DRC11: variants seen among roughly 807,000 people sequenced by gnomAD.
DRC11 encodes the protein dynein regulatory complex subunit 11.
chr2:236,328,989 C>T, the DRC11 span, among the ~76,000 whole-genome samples: 1 of 152,150 alleles, frequency 6.6e-6, no homozygotes, highest in Non-Finnish European at 1.5e-5. The surrounding 1 kb of genome is among the most constrained non-coding windows in gnomAD (Gnocchi z 6.7). Flanking sequence ...TCTGGAGCCT[C>T]CAGGTGAGAA....
At chr2:236,380,035 C>T in the DRC11 span, among the ~76,000 whole-genome samples, 3 of 152,376 alleles carry the variant, frequency 2.0e-5, no homozygotes, top group South Asian at 4.1e-4. The surrounding 1 kb of genome is among the most constrained non-coding windows in gnomAD (Gnocchi z 4.9). Flanking sequence ...TGAAAACCTA[C>T]GTACTATTTA....
the DRC11 span, among the ~76,000 whole-genome samples, chr2:236,469,504 G>A: frequency 6.6e-6 from 1 of 152,308 alleles, no homozygotes; most frequent in African/African-American, 2.4e-5. The surrounding 1 kb of genome is among the most constrained non-coding windows in gnomAD (Gnocchi z 5.8). Context: ...TGACTTTCCC[G>A]TCATTCCATG....
the DRC11 span, among the ~76,000 whole-genome samples, chr2:236,357,345 T>C: frequency 8.7e-6 from 1 of 114,848 alleles, no homozygotes; most frequent in Non-Finnish European, 1.6e-5. Context: ...TGAATATATA[T>C]ATTATATGTA....
chr2:236,397,417 A>C, the DRC11 span, among the ~76,000 whole-genome samples: 1 of 152,056 alleles, frequency 6.6e-6, no homozygotes, highest in South Asian at 2.1e-4. The surrounding 1 kb of genome is among the most constrained non-coding windows in gnomAD (Gnocchi z 5.0). Flanking sequence ...GGCAGCCACA[A>C]CTCCCCTCTG....
chr2:236,496,707 C>A, the DRC11 span, among the ~76,000 whole-genome samples: 3 of 152,196 alleles, frequency 2.0e-5, no homozygotes, highest in Non-Finnish European at 4.4e-5. The surrounding 1 kb of genome is among the most constrained non-coding windows in gnomAD (Gnocchi z 6.3). Flanking sequence ...GCCATACATT[C>A]CCCTGGGTCA....
At chr2:236,349,778 G>T in the DRC11 span, among the ~76,000 whole-genome samples, 1 of 152,124 alleles carries the variant, frequency 6.6e-6, no homozygotes, top group African/African-American at 2.4e-5. The surrounding 1 kb of genome is among the most constrained non-coding windows in gnomAD (Gnocchi z 5.5). Flanking sequence ...CTGGGTACCG[G>T]GCTTAATGCC....
the DRC11 span, among the ~76,000 whole-genome samples, chr2:236,492,194 C>T: frequency 6.6e-6 from 1 of 152,120 alleles, no homozygotes; most frequent in African/African-American, 2.4e-5. Context: ...TCTGTTATAC[C>T]AGCACAAAAT....
the DRC11 span, among the ~76,000 whole-genome samples, chr2:236,358,301 TAA>T: frequency 5.5e-4 from 72 of 131,010 alleles, 2 homozygotes; most frequent in Admixed American, 2.5e-3. Context: ...TGAATATATA[TAA>T]TATATAGATA....
the DRC11 span, among the ~76,000 whole-genome samples, chr2:236,357,087 A>G: frequency 3.8e-5 from 2 of 52,954 alleles, no homozygotes; most frequent in South Asian, 3.9e-4. Flanking sequence ...ATATCTATAT[A>G]TTTTATATAT....
chr2:236,392,025 A>G, the DRC11 span: 1 of 1,613,932 alleles, frequency 6.2e-7, no homozygotes, highest in Non-Finnish European at 8.5e-7. This position sits in a 1 kb window ranked among gnomAD's most constrained non-coding sequence, Gnocchi z 5.1. Flanking sequence ...TTCTCTGTCC[A>G]CAGCTAGCTT....
chr2:236,486,700 G>A, the DRC11 span: 1 of 669,990 alleles, frequency 1.5e-6, no homozygotes, highest in Non-Finnish European at 2.6e-6. The surrounding 1 kb of genome is among the most constrained non-coding windows in gnomAD (Gnocchi z 5.7). Flanking sequence ...TACCATATGG[G>A]TGACTCCATT....
chr2:236,353,759 C>G, the DRC11 span, among the ~76,000 whole-genome samples: 1 of 151,628 alleles, frequency 6.6e-6, no homozygotes, highest in Non-Finnish European at 1.5e-5. The surrounding 1 kb of genome is among the most constrained non-coding windows in gnomAD (Gnocchi z 5.0). Context: ...GTGCAGCTGC[C>G]TGTGTCTGAA....
the DRC11 span, chr2:236,364,022 A>T: frequency 6.5e-7 from 1 of 1,545,488 alleles, no homozygotes; most frequent in Non-Finnish European, 8.9e-7. Context: ...CTGCCAAGAA[A>T]ATCAGTGGTT....
the DRC11 span, among the ~76,000 whole-genome samples, chr2:236,431,926 T>C: frequency 6.6e-6 from 1 of 152,218 alleles, no homozygotes. This position sits in a 1 kb window ranked among gnomAD's most constrained non-coding sequence, Gnocchi z 4.2. Flanking sequence ...GATATATGTT[T>C]TCATTTCTGT....
the DRC11 span, among the ~76,000 whole-genome samples, chr2:236,487,352 C>T: frequency 6.6e-6 from 1 of 152,172 alleles, no homozygotes; most frequent in Non-Finnish European, 1.5e-5. Flanking sequence ...TTCCCCATCA[C>T]CTTCTCCTAT....
chr2:236,357,056 A>ATAT, the DRC11 span, among the ~76,000 whole-genome samples: 2 of 69,170 alleles, frequency 2.9e-5, no homozygotes, highest in African/African-American at 8.2e-5. Context: ...TTATATATCT[A>ATAT]TTTATATATT....
the DRC11 span, among the ~76,000 whole-genome samples, chr2:236,358,513 G>A: frequency 6.9e-6 from 1 of 144,004 alleles, no homozygotes; most frequent in African/African-American, 2.6e-5. Flanking sequence ...CATTTCACAG[G>A]TGAAAGAAGT....
At chr2:236,433,517 G>A in the DRC11 span, among the ~76,000 whole-genome samples, 11 of 152,052 alleles carry the variant, frequency 7.2e-5, no homozygotes, top group Non-Finnish European at 1.5e-4. Context: ...GTTGTAAATG[G>A]TCTCTTACAT....
chr2:236,414,380 T>C, the DRC11 span, among the ~76,000 whole-genome samples: 4 of 152,212 alleles, frequency 2.6e-5, no homozygotes, highest in Admixed American at 2.6e-4. Context: ...CATGACCGAT[T>C]TTGAGTTTAA....
Sources: gnomAD v4.1 joint callset for allele counts (sites outside exome capture counted in the v4.1 genomes callset) on GRCh38, gnomAD v4.1.1 for gene constraint, Gnocchi (gnomAD v3.1) non-coding constraint, MANE v1.5 for transcripts, NCBI Gene and HGNC (gene_info 2026-07-23, HGNC 2026-07-21) for gene names.